Variants in RNF13 observed in about 807,000 individuals in gnomAD.
RNF13 encodes ring finger protein 13.
In RNF13, 19 loss-of-function variants were observed where a neutral mutation model predicts 37.7. That is an observed-to-expected ratio of 0.50 (90% CI 0.35 to 0.74). The LOEUF (loss-of-function observed/expected upper bound fraction) is 0.74, where lower values mean the gene tolerates loss of function less well. RNF13 is among the 30% of genes least tolerant of loss of function. RNF13 has a pLI of 0.01. For missense variants in RNF13, 375 were observed against 453.0 expected, an observed-to-expected ratio of 0.83 and a Z score of 1.56; for synonymous variants, 144 against 157.8, an observed-to-expected ratio of 0.91 and a Z score of 0.65.
intron 3 of RNF13, among the ~76,000 whole-genome samples, chr3:149,859,165 T>G (rs1723965480): frequency 6.6e-6 from 1 of 152,144 alleles, no homozygotes; most frequent in Non-Finnish European, 1.5e-5. Flanking sequence ...TCACCCTCAG[T>G]TTATAAACGA....
intron 7 of RNF13, 46 bp downstream of exon 7, chr3:149,912,129 A>G (rs1040525993): frequency 1.8e-5 from 16 of 911,948 alleles, no homozygotes; most frequent in Non-Finnish European, 2.7e-5. Context: ...AGTATGGATG[A>G]ATCTAAAAAC....
intron 1 of RNF13, among the ~76,000 whole-genome samples, chr3:149,817,755 T>A (rs76584895): frequency 6.6e-6 from 1 of 152,184 alleles, no homozygotes; most frequent in South Asian, 2.1e-4. Context: ...TTTGAAATAC[T>A]GAGTTAATAT....
chr3:149,930,903 GACC>G (rs1220157388), intron 8 of RNF13, among the ~76,000 whole-genome samples: 1 of 152,000 alleles, frequency 6.6e-6, no homozygotes, highest in Non-Finnish European at 1.5e-5. Context: ...TAATAGTGAT[GACC>G]ACTTTTCTAA....
At chr3:149,956,379 A>G (rs965291837) in intron 8 of RNF13, among the ~76,000 whole-genome samples, 4 of 152,192 alleles carry the variant, frequency 2.6e-5, no homozygotes, top group African/African-American at 9.6e-5. Flanking sequence ...AGATGGTATG[A>G]AGGCTCTAAG....
At chr3:149,837,836 A>G (rs1279012855) in intron 1 of RNF13, among the ~76,000 whole-genome samples, 1 of 152,002 alleles carries the variant, frequency 6.6e-6, no homozygotes, top group Non-Finnish European at 1.5e-5. Flanking sequence ...AAGTCCCCCA[A>G]AGTCTTAATT....
At chr3:149,954,780 C>A (rs889753336) in intron 8 of RNF13, among the ~76,000 whole-genome samples, 3 of 152,048 alleles carry the variant, frequency 2.0e-5, no homozygotes, top group African/African-American at 7.2e-5. Context: ...ATAGTAGTAG[C>A]CTTTTAGTTG....
chr3:149,946,333 C>T lies in RNF13; in HGVS notation c.701-13723C>T, dbSNP rs1365565089. The stretch of plus-strand genomic sequence containing the variant: ...AGGGTATCAGTGATTGCAGTTCTTT[C>T]AAAGAGTTTCTGTTTTGATTCTTTC... On this transcript the variant is annotated intron_variant, in intron 8 of 9. Coordinates refer to ENST00000392894, the MANE Select transcript of RNF13 (RefSeq NM_183381.3). Among the ~76,000 whole-genome samples, 12 of 152,270 alleles carry T rather than the reference C, an allele frequency of 7.9e-5. No individual in the cohort carries two copies. In the South Asian group the frequency reaches 2.5e-3, roughly 31 times the overall value.
intron 2 of RNF13, 37 bp downstream of exon 2, chr3:149,846,177 C>A (rs1292068870): frequency 2.3e-6 from 3 of 1,330,086 alleles, no homozygotes; most frequent in Non-Finnish European, 3.2e-6. Context: ...CTAGAAACAT[C>A]CCTTAAAGAA....
chr3:149,840,437 G>A (rs1472954254), intron 1 of RNF13, among the ~76,000 whole-genome samples: 2 of 152,130 alleles, frequency 1.3e-5, no homozygotes, highest in Non-Finnish European at 2.9e-5. Context: ...AGGACGAGGG[G>A]CACAAGGAGG....
intron 8 of RNF13, among the ~76,000 whole-genome samples, chr3:149,928,640 G>C (rs1718881764): frequency 1.3e-5 from 2 of 152,210 alleles, no homozygotes; most frequent in Non-Finnish European, 1.5e-5. Context: ...CAGTATTTTA[G>C]CTATTCAGGG....
chr3:149,880,066 G>T (rs1336949402), intron 4 of RNF13, among the ~76,000 whole-genome samples: 1 of 152,208 alleles, frequency 6.6e-6, no homozygotes, highest in Non-Finnish European at 1.5e-5. Context: ...TATACTCAGA[G>T]ATCTGTCGCT....
chr3:149,912,293 T>C (rs1398750001), intron 7 of RNF13, among the ~76,000 whole-genome samples: 1 of 152,062 alleles, frequency 6.6e-6, no homozygotes, highest in Non-Finnish European at 1.5e-5. Flanking sequence ...TAGAGAGAAG[T>C]GATCGATTTA....
intron 8 of RNF13, among the ~76,000 whole-genome samples, chr3:149,946,105 G>T (rs757056918): frequency 6.6e-6 from 1 of 152,196 alleles, no homozygotes; most frequent in Non-Finnish European, 1.5e-5. Context: ...GGCTTCAGAC[G>T]ATCAAATTTC....
chr3:149,884,864 T>C (rs556646219), intron 4 of RNF13, among the ~76,000 whole-genome samples: 1 of 151,454 alleles, frequency 6.6e-6, no homozygotes, highest in African/African-American at 2.4e-5. Context: ...TGTGTGTGTG[T>C]GGTTTTTTTT....
At chr3:149,885,200 G>A (rs1713884651) in intron 4 of RNF13, among the ~76,000 whole-genome samples, 1 of 152,076 alleles carries the variant, frequency 6.6e-6, no homozygotes. Context: ...GGGAGCTTGG[G>A]TATCTCTTTC....
intron 1 of RNF13, among the ~76,000 whole-genome samples, chr3:149,843,515 A>G (rs534117757): frequency 6.6e-6 from 1 of 152,354 alleles, no homozygotes; most frequent in South Asian, 2.1e-4. Context: ...AAAAAAGGCA[A>G]TAAATGCAAA....
intron 3 of RNF13, among the ~76,000 whole-genome samples, chr3:149,862,020 A>G (rs893477492): frequency 5.3e-5 from 8 of 152,128 alleles, no homozygotes; most frequent in African/African-American, 1.9e-4. Flanking sequence ...ACTTATGTAG[A>G]CACATTCATG....
intron 1 of RNF13, among the ~76,000 whole-genome samples, chr3:149,815,528 A>G (rs1576699792): frequency 6.6e-6 from 1 of 152,266 alleles, no homozygotes; most frequent in Non-Finnish European, 1.5e-5. Context: ...ACATGACATA[A>G]AAAGGGGAAG....
intron 4 of RNF13, among the ~76,000 whole-genome samples, chr3:149,894,970 C>A (rs1344467663): frequency 6.6e-6 from 1 of 152,068 alleles, no homozygotes; most frequent in African/African-American, 2.4e-5. Context: ...TAGGAAAGAT[C>A]AAATAGCTAG....
Sources: gnomAD v4.1 joint callset for allele counts (sites outside exome capture counted in the v4.1 genomes callset) on GRCh38, gnomAD v4.1.1 for gene constraint, MANE v1.5 for transcripts, NCBI Gene and HGNC (gene_info 2026-07-23, HGNC 2026-07-21) for gene names.